The following RPTOR variants were observed in gnomAD, a reference collection of about 807,000 sequenced individuals.
RPTOR encodes the protein regulatory-associated protein of mTOR.
In RPTOR, 21 loss-of-function variants were observed where a neutral mutation model predicts 169.9. The ratio of observed to expected loss-of-function variants is 0.12; its 90% CI spans 0.09 to 0.18. The LOEUF is 0.18. Among genes scored for constraint, RPTOR ranks in the 10% least tolerant of loss-of-function variants. The pLI is 1.00. For missense variants in RPTOR, 1,133 were observed against 1,855.9 expected (o/e 0.61, Z 7.16); for synonymous variants, 732 against 753.2 (o/e 0.97, Z 0.46).
rs200824953 is a variant in RPTOR, at chr17:80,892,915, T to C, written c.2242+46T>C. ...TTATTGGATTGGGAGAGATTGGGGT[T>C]GTTTTTTCTGAAACACTGTATCTGA... On this transcript the variant is annotated intron_variant, in intron 19 of 33. Coordinates refer to ENST00000306801, the MANE Select transcript of RPTOR (RefSeq NM_020761.3). The C allele has an allele frequency of 2.5e-6, 4 of 1,594,802 alleles. No individual in the cohort carries two copies. The Admixed American group carries it at 6.8e-5, about 27-fold the overall frequency.
chr17:80,692,690 T>A (rs1299688161), intron 3 of RPTOR, among the ~76,000 whole-genome samples: 4 of 152,048 alleles, frequency 2.6e-5, no homozygotes, highest in African/African-American at 9.7e-5. Flanking sequence ...CTTGAACTCC[T>A]GGCCTCAAGT....
At chr17:80,619,109 C>T (rs188929510) in intron 1 of RPTOR, among the ~76,000 whole-genome samples, 6 of 152,200 alleles carry the variant, frequency 3.9e-5, no homozygotes, top group Admixed American at 2.6e-4. Flanking sequence ...TCCTAATGAG[C>T]GCTCCCGGGA....
chr17:80,744,952 G>GCCCTGGTTACTAGCAC lies in RPTOR; in HGVS notation c.655-9058_655-9057insCCCTGGTTACTAGCAC, dbSNP rs1567889636. Among the ~76,000 whole-genome samples the GCCCTGGTTACTAGCAC allele has an allele frequency of 1.1e-4, 11 of 97,134 alleles. 1 individual carries two copies. The highest frequency in any genetic ancestry group is 6.4e-4 in the African/African-American group (11 of 17,198). 63.7% of individuals were successfully genotyped at this position (97,134 alleles called of 152,430 possible). A position where few individuals can be genotyped will look rare whatever the true frequency, so the allele number is the denominator to read the frequency against. Reference sequence around the variant, plus strand: ...ACTAGCAGAGCCCTGGTTACTAGCAGAGCCCTGGCTTCTAGCAGAGCCCTG... The same window carrying GCCCTGGTTACTAGCAC: ...ACTAGCAGAGCCCTGGTTACTAGCAGCCCTGGTTACTAGCACAGCCCTGGCTTCTAGCAGAGCCCTG... On this transcript the variant is annotated intron_variant, in intron 5 of 33. Transcript: ENST00000306801.
intron 3 of RPTOR, among the ~76,000 whole-genome samples, chr17:80,645,689 C>A (rs1375711882): frequency 6.6e-6 from 1 of 152,120 alleles, no homozygotes; most frequent in Non-Finnish European, 1.5e-5. Flanking sequence ...TATTTTTAAT[C>A]TAAATTTCTG....
chr17:80,546,346 T>C (rs1391950268), intron 1 of RPTOR, among the ~76,000 whole-genome samples: 1 of 152,248 alleles, frequency 6.6e-6, no homozygotes, highest in East Asian at 1.9e-4. Context: ...TCCTTTTATG[T>C]AGTGTCCTGT....
chr17:80,857,578 A>C (rs772665862), intron 12 of RPTOR, among the ~76,000 whole-genome samples: 4 of 152,248 alleles, frequency 2.6e-5, no homozygotes, highest in Non-Finnish European at 5.9e-5. Flanking sequence ...GACACCAGTC[A>C]AGGCTGGCAG....
rs538185356 is a variant in RPTOR at position 80,553,898 on chromosome 17, C to T, written c.162+8107C>T. The stretch of plus-strand genomic sequence containing the variant: ...TTGGGATTACATGTGCCTGCTACCA[C>T]GCCTGGCTAATTTTCATATTTTTAG... On this transcript the variant is annotated intron_variant, in intron 1 of 33. Transcript: ENST00000306801. Among the ~76,000 whole-genome samples, 110 of 151,916 alleles carry T rather than the reference C, an allele frequency of 7.2e-4. 1 individual carries two copies. The highest frequency in any genetic ancestry group is 1.4e-3 in the Non-Finnish European group (96 of 67,958).
intron 10 of RPTOR, among the ~76,000 whole-genome samples, chr17:80,841,399 GCACGGCAGCTCACACTCACCA>G (rs1380983329): frequency 5.2e-5 from 4 of 77,010 alleles, no homozygotes; most frequent in Admixed American, 1.5e-4. Context: ...AGCTCACACC[GCACGGCAGCTCACACTCACCA>G]CACGGCAGCT....
chr17:80,918,521 G>A lies in RPTOR; in HGVS notation c.2521-4203G>A, dbSNP rs7503718. On this transcript the variant is annotated intron_variant, in intron 21 of 33. Transcript: ENST00000306801. ...GGGGGTCATAGCCATGAGCACCCTCGCGGGGGTCATAGCCATGAGCACCCT... is the reference window on the plus strand; with the variant it reads ...GGGGGTCATAGCCATGAGCACCCTCACGGGGGTCATAGCCATGAGCACCCT... 5.3e-4 allele frequency among the ~76,000 whole-genome samples: 71 copies of A among 133,478 alleles called. 1 individual carries two copies. Among genetic ancestry groups the A allele is most frequent in the South Asian group, 4.1e-3 (18 of 4,368 alleles). The allele number at this position is 133,478 out of a possible 152,430, so 87.6% of individuals were successfully genotyped here.
At chr17:80,570,585 G>A (rs536476298) in intron 1 of RPTOR, among the ~76,000 whole-genome samples, 5 of 151,932 alleles carry the variant, frequency 3.3e-5, no homozygotes, top group African/African-American at 9.7e-5. Flanking sequence ...CTCAGCCTCC[G>A]GAACATCTGG....
intron 1 of RPTOR, among the ~76,000 whole-genome samples, chr17:80,605,564 T>C (rs1304607771): frequency 6.6e-6 from 1 of 152,102 alleles, no homozygotes; most frequent in African/African-American, 2.4e-5. Flanking sequence ...TATCTAGTGA[T>C]CATCAACACA....
At chr17:80,685,643 T>TTTTTA (rs1555607061) in intron 3 of RPTOR, among the ~76,000 whole-genome samples, 7 of 94,566 alleles carry the variant, frequency 7.4e-5, no homozygotes, top group Non-Finnish European at 1.3e-4. Context: ...TTTTTTTTTT[T>TTTTTA]TTTTTTTTTT....
At chr17:80,657,472 CT>C (rs977074951) in intron 3 of RPTOR, among the ~76,000 whole-genome samples, 2 of 151,630 alleles carry the variant, frequency 1.3e-5, no homozygotes, top group Non-Finnish European at 2.9e-5. Flanking sequence ...GACTTTCCTT[CT>C]TTTTTTTTGA....
rs1042262520 is a variant in RPTOR at position 80,963,115 on chromosome 17, G to A, written c.3939+58G>A. ...GGGGGCTGGGGTAGAGGGATGGGAG[G>A]CAAGGGGACAAGGCAGCAGGGGTCC... is the stretch of plus-strand genomic sequence containing the variant. On this transcript the variant is annotated intron_variant, in intron 33 of 33. Coordinates refer to ENST00000306801, the MANE Select transcript of RPTOR (RefSeq NM_020761.3). 6.2e-5 allele frequency: 85 copies of A among 1,363,406 alleles called. No homozygotes were observed. In the African/African-American group the frequency reaches 1.2e-3, roughly 19 times the overall value. The allele number at this position is 1,363,406 out of a possible 1,614,324, so 84.5% of individuals were successfully genotyped here. A position where few individuals can be genotyped will look rare whatever the true frequency, so the allele number is the denominator to read the frequency against.
rs899585958 is a variant in RPTOR, at chr17:80,754,972, C to T, written c.830+787C>T. Reference sequence around the variant, plus strand: ...AGGCTTCTGTCAAGATGGCCTAACACTCTAGACAAGTCTCCTGCCTTCTCA... The same window carrying T: ...AGGCTTCTGTCAAGATGGCCTAACATTCTAGACAAGTCTCCTGCCTTCTCA... On this transcript the variant is annotated intron_variant, in intron 6 of 33. Coordinates refer to ENST00000306801, the MANE Select transcript of RPTOR (RefSeq NM_020761.3). The surrounding 1 kb of genome is among the most constrained non-coding windows in gnomAD (Gnocchi z 4.2). Among the ~76,000 whole-genome samples the T allele has an allele frequency of 6.6e-6, 1 of 152,198 alleles. No homozygotes were observed. Among genetic ancestry groups the T allele is most frequent in the African/African-American group, 2.4e-5 (1 of 41,460 alleles).
chr17:80,546,818 C>T (rs1276436420), intron 1 of RPTOR, among the ~76,000 whole-genome samples: 3 of 152,098 alleles, frequency 2.0e-5, no homozygotes, highest in African/African-American at 7.2e-5. Flanking sequence ...CTTTGGGAGG[C>T]CAAGGCAGGC....
At chr17:80,600,444 A>G (rs1023697358) in intron 1 of RPTOR, among the ~76,000 whole-genome samples, 1 of 152,178 alleles carries the variant, frequency 6.6e-6, no homozygotes, top group Non-Finnish European at 1.5e-5. Context: ...AAAATGAAGT[A>G]TATCTGAGAA....
chr17:80,884,937 GC>G, intron 16 of RPTOR, 70 bp from the exon 17 acceptor site: 1 of 1,540,698 alleles, frequency 6.5e-7, no homozygotes, highest in African/African-American at 1.4e-5. Context: ...TGCACACACA[GC>G]CCTGGCAGAA....
chr17:80,883,034 T>A (rs2068203153), intron 14 of RPTOR, among the ~76,000 whole-genome samples: 1 of 152,212 alleles, frequency 6.6e-6, no homozygotes, highest in South Asian at 2.1e-4. Flanking sequence ...CCATGCCTTT[T>A]GCTGCCAAAG....
Sources: gnomAD v4.1 joint callset for allele counts (sites outside exome capture counted in the v4.1 genomes callset) on GRCh38, gnomAD v4.1.1 for gene constraint, Gnocchi (gnomAD v3.1) non-coding constraint, MANE v1.5 for transcripts, NCBI Gene and HGNC (gene_info 2026-07-23, HGNC 2026-07-21) for gene names.